The following KCNMA1 variants were observed in gnomAD, a reference collection of about 807,000 sequenced individuals.
The protein encoded by KCNMA1 is potassium calcium-activated channel subfamily M alpha 1.
A neutral mutation model predicts 140.0 loss-of-function variants in KCNMA1; 29 were observed. That is an observed-to-expected ratio of 0.21 (90% CI 0.15 to 0.28). The LOEUF (loss-of-function observed/expected upper bound fraction) is 0.28, where lower values mean the gene tolerates loss of function less well. Among genes scored for constraint, KCNMA1 ranks in the 10% least tolerant of loss-of-function variants. The pLI is 1.00. For synonymous variants in KCNMA1, 612 were observed against 611.9 expected (o/e 1.00, Z 0.00); for missense variants, 880 against 1,602.2 (o/e 0.55, Z 7.70).
chr10:77,184,778 C>A, intron 4 of KCNMA1, 45 bp downstream of exon 4: 1 of 1,213,340 alleles, frequency 8.2e-7, no homozygotes, highest in Non-Finnish European at 1.2e-6. Context: ...GGGTCCCAGA[C>A]TGAAACACCC....
At chr10:77,375,048 A>ACT (rs397764134) in intron 2 of KCNMA1, among the ~76,000 whole-genome samples, 7 of 151,468 alleles carry the variant, frequency 4.6e-5, no homozygotes, top group Non-Finnish European at 8.8e-5. Flanking sequence ...ATCCAAAAAC[A>ACT]GTTATGGCCA....
chr10:77,589,452 T>TC (rs1274234207), intron 1 of KCNMA1, among the ~76,000 whole-genome samples: 1 of 152,002 alleles, frequency 6.6e-6, no homozygotes, highest in Non-Finnish European at 1.5e-5. Flanking sequence ...TCCCTGGGCC[T>TC]CTCCTCACCT....
intron 20 of KCNMA1, 25 bp downstream of exon 20, chr10:76,969,949 G>T (rs745723696): frequency 6.4e-7 from 1 of 1,574,326 alleles, no homozygotes; most frequent in Non-Finnish European, 8.7e-7. Flanking sequence ...GAGGGAAACC[G>T]TGGGCAACCA....
At chr10:77,354,377 C>T (rs191872659) in intron 2 of KCNMA1, 3 of 152,366 alleles carry the variant, frequency 2.0e-5, no homozygotes, top group Admixed American at 6.5e-5. Flanking sequence ...TCACCACTGG[C>T]TAATGGCTTT....
chr10:77,445,285 G>C (rs938238087), intron 1 of KCNMA1, among the ~76,000 whole-genome samples: 40 of 151,854 alleles, frequency 2.6e-4, no homozygotes, highest in Non-Finnish European at 1.5e-4. Context: ...CCACGCTGGG[G>C]ATTTTAACAG....
At chr10:76,993,462 C>T (rs1466077545) in intron 19 of KCNMA1, among the ~76,000 whole-genome samples, 2 of 152,186 alleles carry the variant, frequency 1.3e-5, no homozygotes, top group African/African-American at 2.4e-5. Flanking sequence ...TGCTCCAGAG[C>T]CACTAATTAA....
chr10:77,345,710 C>G (rs2091993123), intron 2 of KCNMA1, among the ~76,000 whole-genome samples: 1 of 152,192 alleles, frequency 6.6e-6, no homozygotes, highest in Non-Finnish European at 1.5e-5. Context: ...CATGCAAATA[C>G]CCCCTACTCT....
chr10:76,926,702 A>G (rs2057791721), intron 23 of KCNMA1, among the ~76,000 whole-genome samples: 1 of 152,174 alleles, frequency 6.6e-6, no homozygotes, highest in African/African-American at 2.4e-5. Flanking sequence ...CAGCTACTCA[A>G]TATTCAGGAA....
intron 21 of KCNMA1, 76 bp downstream of exon 21, chr10:76,953,725 C>G: frequency 1.9e-6 from 3 of 1,591,252 alleles, no homozygotes; most frequent in Non-Finnish European, 2.6e-6. Flanking sequence ...CACTGTCCAA[C>G]TAGGGAAACC....
At chr10:77,326,480 GT>G (rs199805030) in intron 2 of KCNMA1, among the ~76,000 whole-genome samples, 2,151 of 152,274 alleles carry the variant, frequency 0.014, 44 homozygotes, top group African/African-American at 0.049. Flanking sequence ...CACACAGTAA[GT>G]GCTGAAAATA....
At chr10:77,423,522 G>C (rs959218002) in intron 1 of KCNMA1, among the ~76,000 whole-genome samples, 4 of 152,120 alleles carry the variant, frequency 2.6e-5, no homozygotes, top group Non-Finnish European at 5.9e-5. Context: ...CCTTAGGAAA[G>C]AGCCAAAAAG....
At chr10:77,533,283 A>G (rs2058115944) in intron 1 of KCNMA1, among the ~76,000 whole-genome samples, 1 of 152,168 alleles carries the variant, frequency 6.6e-6, no homozygotes, top group Non-Finnish European at 1.5e-5. Flanking sequence ...CAAGGAGCAG[A>G]GTCTACTGGG....
chr10:76,960,613 G>GTTTTT (rs1565204789), intron 20 of KCNMA1, among the ~76,000 whole-genome samples: 2 of 94,988 alleles, frequency 2.1e-5, no homozygotes, highest in African/African-American at 8.1e-5. Context: ...AGATATTATG[G>GTTTTT]TTTTGTTTTT....
At chr10:76,937,399 GAC>G (rs1197246813) in intron 23 of KCNMA1, among the ~76,000 whole-genome samples, 19 of 152,262 alleles carry the variant, frequency 1.2e-4, no homozygotes, top group African/African-American at 4.3e-4. Context: ...CACAGCTCTT[GAC>G]ACATTCCCTC....
intron 5 of KCNMA1, among the ~76,000 whole-genome samples, chr10:77,166,012 T>C (rs1489823739): frequency 2.0e-5 from 3 of 152,102 alleles, no homozygotes; most frequent in Non-Finnish European, 4.4e-5. Flanking sequence ...CTGCGGGCTA[T>C]GGGAGGAGGA....
At chr10:77,265,551 T>G (rs954779515) in intron 2 of KCNMA1, among the ~76,000 whole-genome samples, 3 of 152,244 alleles carry the variant, frequency 2.0e-5, no homozygotes, top group African/African-American at 7.2e-5. Flanking sequence ...CTCTTTAATA[T>G]ATCTATAAAA....
intron 19 of KCNMA1, among the ~76,000 whole-genome samples, chr10:76,998,304 C>T (rs1231388684): frequency 2.0e-5 from 3 of 152,000 alleles, no homozygotes; most frequent in Non-Finnish European, 4.4e-5. Flanking sequence ...AATTTAACAT[C>T]CCTTGAAAAC....
intron 2 of KCNMA1, among the ~76,000 whole-genome samples, chr10:77,282,589 G>A (rs2069051099): frequency 6.6e-6 from 1 of 152,166 alleles, no homozygotes; most frequent in South Asian, 2.1e-4. Flanking sequence ...TTGACTAGGT[G>A]ACATCAAGGG....
At chr10:77,531,528 G>GA (rs1357939202) in intron 1 of KCNMA1, among the ~76,000 whole-genome samples, 1 of 152,116 alleles carries the variant, frequency 6.6e-6, no homozygotes, top group Non-Finnish European at 1.5e-5. Flanking sequence ...CTGTACCACC[G>GA]ACCCTGCCAG....
Sources: gnomAD v4.1 joint callset for allele counts (sites outside exome capture counted in the v4.1 genomes callset) on GRCh38, gnomAD v4.1.1 for gene constraint, MANE v1.5 for transcripts, NCBI Gene and HGNC (gene_info 2026-07-23, HGNC 2026-07-21) for gene names.